The following STX1B variants were observed in gnomAD, a reference collection of about 807,000 sequenced individuals.
STX1B encodes the protein syntaxin 1B.
In STX1B, 7 loss-of-function variants were observed where a neutral mutation model predicts 39.4. That is an observed-to-expected ratio of 0.18 (90% CI 0.10 to 0.33). The LOEUF is 0.33. Among genes scored for constraint, STX1B ranks in the 10% least tolerant of loss-of-function variants. The pLI, the probability that STX1B is intolerant of heterozygous loss-of-function variation, is 1.00. For synonymous variants in STX1B, 136 were observed against 144.1 expected, an observed-to-expected ratio of 0.94 and a Z score of 0.40; for missense variants, 198 against 383.2, an observed-to-expected ratio of 0.52 and a Z score of 4.04.
At position 30,992,641 on chromosome 16, in the gene STX1B, C is replaced by CGGG. The variant is rs56353515; in HGVS notation, c.*177_*179dup. The CGGG allele has an allele frequency of 1.0e-3, 418 of 409,260 alleles. No individual in the cohort carries two copies. The highest frequency in any genetic ancestry group is 3.9e-3 in the African/African-American group (120 of 30,632). The allele number at this position is 409,260 out of a possible 1,614,324, so 25.4% of individuals were successfully genotyped here. A position where few individuals can be genotyped will look rare whatever the true frequency, so the allele number is the denominator to read the frequency against. On this transcript the variant is annotated 3_prime_UTR_variant, in exon 10 of 10. Coordinates refer to ENST00000215095, the MANE Select transcript of STX1B (RefSeq NM_052874.5). ...GCCTGCTGCGATCTACGTGCGGGGA[C>CGGG]GGGGGGGGGGTCCATGGCCCGGTGA...
In STX1B at chr16:30,992,481, C is replaced by T. The variant is rs903686226; in HGVS notation, c.*340G>A. ...CCGGTGAAGGGGGAAGCTCAGACCA[C>T]GCACACACACCCAAGGTGGGGGTGG... On this transcript the variant is annotated 3_prime_UTR_variant, in exon 10 of 10. Transcript: ENST00000215095. 7.0e-6 allele frequency: 2 copies of T among 285,180 alleles called. No homozygotes were observed. The highest frequency in any genetic ancestry group is 7.2e-5 in the East Asian group (1 of 13,920). The allele number at this position is 285,180 out of a possible 1,614,324, so 17.7% of individuals were successfully genotyped here. A position where few individuals can be genotyped will look rare whatever the true frequency, so the allele number is the denominator to read the frequency against.
chr16:31,001,300 TA>T lies in STX1B; in HGVS notation c.106-108del. ...AATGGACCAGCCCCAGAACGGCTGATAAAAGGCCAGGGAGGGTGCAGGAGCA... is the reference window on the plus strand; with the variant it reads ...AATGGACCAGCCCCAGAACGGCTGATAAAGGCCAGGGAGGGTGCAGGAGCA... On this transcript the variant is annotated intron_variant, in intron 2 of 9. Coordinates refer to ENST00000215095, the MANE Select transcript of STX1B (RefSeq NM_052874.5). The surrounding 1 kb of genome is among the most constrained non-coding windows in gnomAD (Gnocchi z 5.5). The T allele has an allele frequency of 8.8e-7, 1 of 1,136,544 alleles. No individual in the cohort carries two copies. The allele number at this position is 1,136,544 out of a possible 1,614,324, so 70.4% of individuals were successfully genotyped here. A position where few individuals can be genotyped will look rare whatever the true frequency, so the allele number is the denominator to read the frequency against.
rs545728705 is a variant in STX1B, at chr16:30,992,372, C to T, written c.*449G>A. The T allele has an allele frequency of 7.4e-5, 12 of 161,392 alleles. No individual in the cohort carries two copies. Among genetic ancestry groups the T allele is most frequent in the Admixed American group, 1.9e-4 (3 of 15,926 alleles). The allele number at this position is 161,392 out of a possible 1,614,324, so 10.0% of individuals were successfully genotyped here. A position where few individuals can be genotyped will look rare whatever the true frequency, so the allele number is the denominator to read the frequency against. ...GTGTGTCCACAGATCTGTGGTCTCA[C>T]GCACGCACACACACTGTTCACAGAG... is the stretch of plus-strand genomic sequence containing the variant. On this transcript the variant is annotated 3_prime_UTR_variant, in exon 10 of 10. Transcript: ENST00000215095.
chr16:30,993,224 C>T lies in STX1B; in HGVS notation c.692G>A (p.Arg231His), dbSNP rs1183707872. The T allele has an allele frequency of 3.1e-6, 5 of 1,614,118 alleles. No individual in the cohort carries two copies. Among genetic ancestry groups the T allele is most frequent in the Non-Finnish European group, 4.2e-6 (5 of 1,179,986 alleles). ...AGAATGTTCCACGTTGTACTCGATG[C>T]GGTCAATCATCTCTCCCTGCAGACA... Reference protein sequence around the residue: ...LVESQGEMIDRIEYNVEHSVD... With the variant: ...LVESQGEMIDHIEYNVEHSVD... Residue 231 changes from arginine to histidine, a missense_variant, in exon 9 of 10, where the codon CGC becomes CAC. Transcript: ENST00000215095.
At position 30,997,525 on chromosome 16, in the gene STX1B, C is replaced by G; in HGVS notation, c.331G>C (p.Asp111His). The G allele has an allele frequency of 6.2e-7, 1 of 1,609,554 alleles. No individual in the cohort carries two copies. The highest frequency in any genetic ancestry group is 2.2e-5 in the East Asian group (1 of 44,662). ...ACCTGGGTCTTGCGGATGCGCAGGT[C>G]CGCGGAGGAACGGTTCAGCCCCTCC... is the stretch of plus-strand genomic sequence containing the variant. ...QEEGLNRSSA[D>H]LRIRKTQHST... is the part of the protein sequence containing the mutation. Residue 111 changes from aspartate to histidine, a missense_variant, in exon 5 of 10, where the codon GAC (aspartate) becomes CAC (histidine). By Grantham distance (81) the Asp-to-His change is moderately conservative. Transcript: ENST00000215095.
chr16:30,993,472 A>T lies in STX1B; in HGVS notation c.550T>A (p.Ser184Thr), dbSNP rs758876440. The change falls in exon 8 of 10, where the codon TCA (serine) becomes ACA (threonine). Residue 184 changes from serine (S) to threonine (T), a missense_variant. Physicochemically the swap from Ser to Thr is moderately conservative, Grantham distance 58 (BLOSUM62 1). Coordinates refer to ENST00000215095, the MANE Select transcript of STX1B (RefSeq NM_052874.5). The stretch of plus-strand genomic sequence containing the variant: ...TTCAGCGCCTGCTTCGTCATCTGTG[A>T]GTCCATTTTGATCTAGGGTGACGAG... ...AIFTDDIKMD[S>T]QMTKQALNEI... 6.2e-7 allele frequency: 1 copy of T among 1,613,826 alleles called. No homozygotes were observed. Among genetic ancestry groups the T allele is most frequent in the South Asian group, 1.1e-5 (1 of 91,090 alleles).
chr16:30,996,461 T>C (rs1470942345), intron 7 of STX1B: 4 of 518,082 alleles, frequency 7.7e-6, no homozygotes, highest in Non-Finnish European at 1.4e-5. Flanking sequence ...GGTGGGTGAA[T>C]GTGAAGATGG....
At chr16:31,006,020 A>T (rs2056653470) in intron 1 of STX1B, among the ~76,000 whole-genome samples, 1 of 152,194 alleles carries the variant, frequency 6.6e-6, no homozygotes, top group Non-Finnish European at 1.5e-5. Context: ...CAAGTCAGTG[A>T]CCAGAGAGAC....
At chr16:31,002,434 C>A (rs1031747227) in intron 1 of STX1B, among the ~76,000 whole-genome samples, 1 of 147,598 alleles carries the variant, frequency 6.8e-6, no homozygotes, top group Non-Finnish European at 1.5e-5. Context: ...CAGGAATAGG[C>A]CCCCCCGACA....
intron 7 of STX1B, among the ~76,000 whole-genome samples, chr16:30,995,493 CTT>C (rs535108190): frequency 7.7e-5 from 11 of 143,724 alleles, no homozygotes; most frequent in Admixed American, 1.4e-4. Context: ...TCCTTTCTTT[CTT>C]TTTTTTTTTT....
At chr16:31,008,705 T>C (rs987886821) in intron 1 of STX1B, among the ~76,000 whole-genome samples, 7 of 152,150 alleles carry the variant, frequency 4.6e-5, no homozygotes, top group Non-Finnish European at 8.8e-5. Flanking sequence ...AAGCCTGCTC[T>C]GCAAACTGAG....
At position 30,993,353 on chromosome 16, in the gene STX1B, C is replaced by G; in HGVS notation, c.669G>C (p.Glu223Asp). Reference protein sequence around the residue: ...DMFVDMAMLVESQGEMIDRIE... With the variant: ...DMFVDMAMLVDSQGEMIDRIE... ...TGGGTGGCAGAGCCAGTACCTGGCT[C>G]TCTACGAGCATGGCCATGTCCACAA... is the stretch of plus-strand genomic sequence containing the variant. The change falls in exon 8 of 10, where the codon GAG becomes GAC. Residue 223 changes from glutamate to aspartate, a missense_variant. Coordinates refer to ENST00000215095, the MANE Select transcript of STX1B (RefSeq NM_052874.5). 1 of 1,614,228 alleles carries G rather than the reference C, an allele frequency of 6.2e-7. No homozygotes were observed. Among genetic ancestry groups the G allele is most frequent in the Non-Finnish European group, 8.5e-7 (1 of 1,180,036 alleles).
Position 30,996,960 on chromosome 16 carries a change from G to A in STX1B, c.454C>T (p.Leu152=). The change falls in exon 6 of 10, where the codon CTG becomes TTG. Residue 152 remains leucine, a synonymous_variant. Transcript: ENST00000215095. ...DRCKDRIQRQ[L]EITGRTTTNE... is the part of the protein sequence containing the mutation. The stretch of plus-strand genomic sequence containing the variant: ...TGGGGGGCACACGCACTGATCTCCA[G>A]TTGCCGCTGGATCCGGTCCTTGCAG... 6.2e-7 allele frequency: 1 copy of A among 1,613,304 alleles called. No homozygotes were observed. Among genetic ancestry groups the A allele is most frequent in the Non-Finnish European group, 8.5e-7 (1 of 1,179,838 alleles).
intron 1 of STX1B, among the ~76,000 whole-genome samples, chr16:31,008,440 CCT>C (rs1195215108): frequency 1.3e-5 from 2 of 152,024 alleles, no homozygotes; most frequent in Non-Finnish European, 2.9e-5. Flanking sequence ...CTTTTCCCTC[CCT>C]CTTTCTCGAA....
intron 7 of STX1B, among the ~76,000 whole-genome samples, chr16:30,995,271 C>T (rs1205305820): frequency 2.0e-5 from 3 of 152,098 alleles, no homozygotes; most frequent in Non-Finnish European, 4.4e-5. Flanking sequence ...AGCCACCACA[C>T]CGGGCTGCTC....
At chr16:30,997,159 G>T in intron 5 of STX1B, 100 bp from the exon 6 acceptor site, 1 of 791,826 alleles carries the variant, frequency 1.3e-6, no homozygotes, top group Non-Finnish European at 2.2e-6. Context: ...GGCAGTGCAT[G>T]GGCGGAATAA....
Position 30,992,693 on chromosome 16 carries a change from G to GGGGGGGGGGGA in STX1B, c.*127_*128insTCCCCCCCCCC, listed in dbSNP as rs1555493831. 15 of 515,934 alleles carry GGGGGGGGGGGA rather than the reference G, an allele frequency of 2.9e-5. No homozygotes were observed. Among genetic ancestry groups the GGGGGGGGGGGA allele is most frequent in the African/African-American group, 6.1e-5 (2 of 32,688 alleles). The allele number at this position is 515,934 out of a possible 1,614,324, so 32.0% of individuals were successfully genotyped here. On this transcript the variant is annotated 3_prime_UTR_variant, in exon 10 of 10. Coordinates refer to ENST00000215095, the MANE Select transcript of STX1B (RefSeq NM_052874.5). Reference sequence around the variant, plus strand: ...GTCCAGGGACACCAGGGTCTGCCGTGGGGGTGGGGCTGCCTGGGTCTGTTT... The same window carrying GGGGGGGGGGGA: ...GTCCAGGGACACCAGGGTCTGCCGTGGGGGGGGGGGAGGGGTGGGGCTGCCTGGGTCTGTTT...
chr16:30,997,649 G>A, intron 4 of STX1B, 74 bp from the exon 5 acceptor site: 1 of 1,383,710 alleles, frequency 7.2e-7, no homozygotes, highest in South Asian at 1.3e-5. Flanking sequence ...CGTACGAATG[G>A]TCAACACCCC....
At chr16:30,999,406 G>A (rs535013389) in intron 4 of STX1B, among the ~76,000 whole-genome samples, 2 of 152,290 alleles carry the variant, frequency 1.3e-5, no homozygotes, top group East Asian at 1.9e-4. Context: ...AATGTGCCTC[G>A]GACATTGGAG....
Sources: allele counts gnomAD v4.1 joint callset (sites outside exome capture counted in the v4.1 genomes callset), GRCh38; gene constraint gnomAD v4.1.1; non-coding constraint Gnocchi (gnomAD v3.1); transcripts MANE v1.5; gene names NCBI Gene and HGNC (gene_info 2026-07-23, HGNC 2026-07-21).